Variants in IPCEF1 observed in about 807,000 individuals in gnomAD.
IPCEF1 encodes interaction protein for cytohesin exchange factors 1, also known as interactor protein for cytohesin exchange factors 1.
In IPCEF1, 31 loss-of-function variants were observed where a neutral mutation model predicts 50.9. That is an observed-to-expected ratio of 0.61 (90% confidence interval 0.46 to 0.82). IPCEF1 has a LOEUF of 0.82. Among genes scored for constraint, IPCEF1 ranks in the 40% least tolerant of loss-of-function variants. IPCEF1 has a pLI of 0.00. For synonymous variants in IPCEF1, 181 were observed against 192.0 expected, an observed-to-expected ratio of 0.94 and a Z score of 0.47; for missense variants, 458 against 514.0, an observed-to-expected ratio of 0.89 and a Z score of 1.05.
chr6:154,322,025 T>A (rs1430884796), intron 1 of IPCEF1, among the ~76,000 whole-genome samples: 2 of 152,038 alleles, frequency 1.3e-5, no homozygotes, highest in Non-Finnish European at 2.9e-5. Flanking sequence ...GACTGTGTGG[T>A]TACCCAAGCT....
rs1316600966 is a variant in IPCEF1, at chr6:154,247,450, T to G, written c.75A>C (p.Gln25His). The change falls in exon 4 of 12, where the codon CAA becomes CAC. Residue 25 changes from glutamine to histidine, a missense_variant and splice_region_variant. Gln to His is a conservative substitution (Grantham distance 24). Transcript: ENST00000367220. ...AAGAAACAAAAGAGATCTAATTACC[T>G]TGAGTTTTCCTCCTGGGCTTCTGAC... Reference protein sequence around the residue: ...PLRQKPRRKTQGFLTMSRRRI... With the variant: ...PLRQKPRRKTHGFLTMSRRRI... 2 of 1,611,734 alleles carry G rather than the reference T, an allele frequency of 1.2e-6. No homozygotes were observed. Among genetic ancestry groups the G allele is most frequent in the African/African-American group, 1.3e-5 (1 of 74,852 alleles).
In IPCEF1 at chr6:154,223,180, T is replaced by G; in HGVS notation, c.310A>C (p.Lys104Gln). 1 of 1,613,598 alleles carries G rather than the reference T, an allele frequency of 6.2e-7. No homozygotes were observed. Among genetic ancestry groups the G allele is most frequent in the East Asian group, 2.2e-5 (1 of 44,882 alleles). The change falls in exon 6 of 12, where the codon AAG becomes CAG. Residue 104 changes from lysine (K) to glutamine (Q), a missense_variant. Coordinates refer to ENST00000367220, the MANE Select transcript of IPCEF1 (RefSeq NM_001130700.2). ...DFTVERASEC[K>Q]KKHAFKISHP... ...TGAGAGACAACTTACTGCTTTTTCT[T>G]GCATTCAGATGCTCTTTCCACAGTG... is the stretch of plus-strand genomic sequence containing the variant.
At chr6:154,246,518 T>C (rs1390422095) in intron 5 of IPCEF1, 73 bp downstream of exon 5, 9 of 1,473,732 alleles carry the variant, frequency 6.1e-6, no homozygotes, top group South Asian at 1.4e-5. Flanking sequence ...AACTTTCCCA[T>C]AGGGATCACC....
chr6:154,335,504 T>C (rs115520058), intron 1 of IPCEF1, among the ~76,000 whole-genome samples: 2,516 of 152,256 alleles, frequency 0.017, 49 homozygotes, highest in African/African-American at 0.046. Flanking sequence ...TAAGAAAATG[T>C]GCACACAGCA....
chr6:154,328,228 A>G (rs1170064087), intron 1 of IPCEF1, among the ~76,000 whole-genome samples: 1 of 152,196 alleles, frequency 6.6e-6, no homozygotes, highest in East Asian at 1.9e-4. Flanking sequence ...TTAAAAGTTG[A>G]AAAAAATACA....
intron 5 of IPCEF1, among the ~76,000 whole-genome samples, chr6:154,231,000 C>T (rs765551783): frequency 1.3e-5 from 2 of 152,086 alleles, no homozygotes; most frequent in Non-Finnish European, 2.9e-5. Flanking sequence ...CTGAATCAGC[C>T]GAAACTGCAA....
rs911108538 is a variant in IPCEF1, at chr6:154,158,568, G to C, written c.*1260C>G. On this transcript the variant is annotated 3_prime_UTR_variant, in exon 12 of 12. Coordinates refer to ENST00000367220, the MANE Select transcript of IPCEF1 (RefSeq NM_001130700.2). ...AAGAGATAGAAATCTAAATTTAAGA[G>C]CTCATGGGGGTTGGGGTGGGGAAGA... 1.3e-5 allele frequency: 2 copies of C among 152,268 alleles called. No individual in the cohort carries two copies. The highest frequency in any genetic ancestry group is 4.8e-5 in the African/African-American group (2 of 41,558). 9.4% of individuals were successfully genotyped at this position (152,268 alleles called of 1,614,324 possible).
intron 1 of IPCEF1, among the ~76,000 whole-genome samples, chr6:154,328,607 T>A (rs1030132251): frequency 6.6e-6 from 1 of 150,506 alleles, no homozygotes; most frequent in East Asian, 2.0e-4. Flanking sequence ...AAAAAAAAAA[T>A]GTTAAGGAAA....
intron 10 of IPCEF1, among the ~76,000 whole-genome samples, chr6:154,196,955 T>C (rs1490585334): frequency 6.6e-6 from 1 of 152,226 alleles, no homozygotes; most frequent in Non-Finnish European, 1.5e-5. Flanking sequence ...CAAAAATATT[T>C]CTTTCATTGT....
At chr6:154,247,380 G>T in intron 4 of IPCEF1, 69 bp downstream of exon 4, 2 of 1,233,748 alleles carry the variant, frequency 1.6e-6, no homozygotes, top group Non-Finnish European at 2.4e-6. Context: ...CCCAAGGAAG[G>T]CACCCCGGAG....
At chr6:154,330,491 A>G (rs973793220) in intron 1 of IPCEF1, among the ~76,000 whole-genome samples, 1 of 151,490 alleles carries the variant, frequency 6.6e-6, no homozygotes, top group Non-Finnish European at 1.5e-5. Flanking sequence ...CATCCAGCTA[A>G]TTTTTTTTAT....
intron 1 of IPCEF1, among the ~76,000 whole-genome samples, chr6:154,323,213 A>C (rs1363643258): frequency 1.3e-5 from 2 of 151,908 alleles, no homozygotes; most frequent in Non-Finnish European, 2.9e-5. Flanking sequence ...GAGGGACTAG[A>C]AGTGCTGAGG....
chr6:154,154,873 T>C lies in IPCEF1; in HGVS notation c.*4955A>G, dbSNP rs570449516. 2.6e-5 allele frequency: 4 copies of C among 152,702 alleles called. No individual in the cohort carries two copies. The East Asian group carries it at 7.7e-4, about 29-fold the overall frequency. 9.5% of individuals were successfully genotyped at this position (152,702 alleles called of 1,614,324 possible). ...AGCTAAGATTTCCACATTAATATCTTGCCCCCAAACACCATGCAGTGCTAA... is the reference window on the plus strand; with the variant it reads ...AGCTAAGATTTCCACATTAATATCTCGCCCCCAAACACCATGCAGTGCTAA... On this transcript the variant is annotated 3_prime_UTR_variant, in exon 12 of 12. Coordinates refer to ENST00000367220, the MANE Select transcript of IPCEF1 (RefSeq NM_001130700.2).
intron 10 of IPCEF1, among the ~76,000 whole-genome samples, chr6:154,183,322 T>C (rs1801061362): frequency 6.6e-6 from 1 of 152,190 alleles, no homozygotes; most frequent in African/African-American, 2.4e-5. Context: ...CTTATCGCTA[T>C]GACTATTATC....
intron 11 of IPCEF1, among the ~76,000 whole-genome samples, chr6:154,164,055 T>C (rs937937577): frequency 1.3e-5 from 2 of 152,214 alleles, no homozygotes; most frequent in Non-Finnish European, 2.9e-5. Flanking sequence ...AAAAGCTTTC[T>C]TCCTCTGATA....
At chr6:154,176,352 G>A (rs1800327556) in intron 10 of IPCEF1, among the ~76,000 whole-genome samples, 1 of 152,160 alleles carries the variant, frequency 6.6e-6, no homozygotes, top group Non-Finnish European at 1.5e-5. Context: ...GAAATAAAGT[G>A]TATTCAATTA....
intron 2 of IPCEF1, among the ~76,000 whole-genome samples, chr6:154,284,396 C>T (rs1424625748): frequency 6.6e-6 from 1 of 152,186 alleles, no homozygotes; most frequent in East Asian, 1.9e-4. Context: ...TTAGTGTACT[C>T]TATGTCTAGT....
chr6:154,256,537 G>GTCTCTC (rs10644644), intron 3 of IPCEF1, among the ~76,000 whole-genome samples: 361 of 146,196 alleles, frequency 2.5e-3, no homozygotes, highest in East Asian at 4.5e-3. Context: ...CTCTGTCTCC[G>GTCTCTC]TCTCTCTCTC....
At chr6:154,338,543 G>A (rs1562295093) in intron 1 of IPCEF1, among the ~76,000 whole-genome samples, 1 of 152,150 alleles carries the variant, frequency 6.6e-6, no homozygotes, top group Admixed American at 6.5e-5. Context: ...GAGTTAGACA[G>A]TCAGATGCTT....
Sources: allele counts gnomAD v4.1 joint callset (sites outside exome capture counted in the v4.1 genomes callset), GRCh38; gene constraint gnomAD v4.1.1; transcripts MANE v1.5; gene names NCBI Gene and HGNC (gene_info 2026-07-23, HGNC 2026-07-21).